The following COXFA4L3 variants were observed in gnomAD, a reference collection of about 807,000 sequenced individuals.
COXFA4L3 encodes the protein cytochrome c oxidase associated subunit FA4L3, also known as MIR147B host.
the COXFA4L3 span, chr15:45,431,412 T>C: frequency 1.4e-5 from 3 of 209,964 alleles, no homozygotes; most frequent in African/African-American, 6.9e-5. Context: ...TTTTTTTTTT[T>C]AAGTTTTGAA....
chr15:45,431,063 TTC>T, the COXFA4L3 span: 1 of 1,614,130 alleles, frequency 6.2e-7, no homozygotes, highest in Non-Finnish European at 8.5e-7. Context: ...TCGCTGTGTA[TTC>T]TCTTTGGAAA....
the COXFA4L3 span, chr15:45,431,205 G>A: frequency 1.4e-6 from 1 of 711,544 alleles, no homozygotes; most frequent in Non-Finnish European, 2.3e-6. Flanking sequence ...TGTGAACTGG[G>A]AGTCAGGGTT....
chr15:45,431,304 A>G, the COXFA4L3 span: 1 of 442,136 alleles, frequency 2.3e-6, no homozygotes, highest in Non-Finnish European at 4.0e-6. Flanking sequence ...AAAAAATTTA[A>G]AAAAACCCAT....
the COXFA4L3 span, chr15:45,431,935 A>G: frequency 8.6e-6 from 6 of 696,404 alleles, no homozygotes; most frequent in Admixed American, 2.8e-5. Context: ...TTTAGTTGCT[A>G]CTGATGGTTC....
chr15:45,432,079 C>G, the COXFA4L3 span: 1 of 1,610,064 alleles, frequency 6.2e-7, no homozygotes, highest in South Asian at 1.1e-5. Flanking sequence ...TAGCCTTGAT[C>G]GAAAAAAAAA....
At chr15:45,431,190 C>T in the COXFA4L3 span, 1 of 894,396 alleles carries the variant, frequency 1.1e-6, no homozygotes, top group Non-Finnish European at 1.7e-6. Context: ...ATGAGAATGC[C>T]AAATTGTGAA....
At chr15:45,433,148 G>A in the COXFA4L3 span, 1 of 959,864 alleles carries the variant, frequency 1.0e-6, no homozygotes, top group African/African-American at 1.6e-5. Flanking sequence ...ACATTTTTTG[G>A]GCTCTGGATA....
the COXFA4L3 span, chr15:45,430,948 A>G: frequency 4.4e-6 from 7 of 1,580,170 alleles, no homozygotes; most frequent in Admixed American, 5.2e-5. Context: ...CTGTGTTTCA[A>G]ATGTTTCATA....
chr15:45,430,665 C>G, the COXFA4L3 span: 2 of 769,486 alleles, frequency 2.6e-6, no homozygotes, highest in Admixed American at 2.9e-5. Context: ...GGTGAGTCTC[C>G]CATCTGCAGA....
chr15:45,431,134 AC>A, the COXFA4L3 span: 1 of 1,507,358 alleles, frequency 6.6e-7, no homozygotes, highest in South Asian at 1.2e-5. Flanking sequence ...TGTTTGGATG[AC>A]TTTTAGTTTA....
the COXFA4L3 span, chr15:45,433,141 T>C: frequency 5.0e-6 from 5 of 1,000,940 alleles, no homozygotes; most frequent in Non-Finnish European, 8.0e-6. Context: ...TTTGTCTACA[T>C]TTTTTGGGCT....
chr15:45,433,300 A>T, the COXFA4L3 span: 1 of 328,514 alleles, frequency 3.0e-6, no homozygotes, highest in Non-Finnish European at 5.8e-6. Context: ...TGTAAATTAG[A>T]TTTTCTTTAA....
the COXFA4L3 span, among the ~76,000 whole-genome samples, chr15:45,432,712 T>G: frequency 1.3e-5 from 2 of 152,158 alleles, no homozygotes; most frequent in Non-Finnish European, 2.9e-5. Flanking sequence ...ATGTGTTTGA[T>G]CTTTCCCTCT....
the COXFA4L3 span, chr15:45,432,258 T>A: frequency 1.4e-6 from 1 of 736,558 alleles, no homozygotes; most frequent in Non-Finnish European, 2.2e-6. Flanking sequence ...ATCGAGTAAT[T>A]AAAATGAGGA....
the COXFA4L3 span, among the ~76,000 whole-genome samples, chr15:45,431,487 T>A: frequency 1.3e-5 from 2 of 152,284 alleles, no homozygotes; most frequent in South Asian, 2.1e-4. Flanking sequence ...ATTAAAATTT[T>A]AAATTTTAGC....
At chr15:45,432,987 T>C in the COXFA4L3 span, 34 of 1,613,692 alleles carry the variant, frequency 2.1e-5, no homozygotes, top group Non-Finnish European at 2.7e-5. Flanking sequence ...CATTGAAGAG[T>C]TGCAAAATGT....
chr15:45,431,539 T>C, the COXFA4L3 span, among the ~76,000 whole-genome samples: 1 of 152,212 alleles, frequency 6.6e-6, no homozygotes, highest in Non-Finnish European at 1.5e-5. Context: ...ATAGATTCAG[T>C]TGTCTACGAT....
the COXFA4L3 span, chr15:45,432,282 T>A: frequency 1.6e-6 from 1 of 644,882 alleles, no homozygotes; most frequent in Non-Finnish European, 2.6e-6. Flanking sequence ...TTTAAGAGCC[T>A]ACTCTATGCC....
chr15:45,431,162 C>A, the COXFA4L3 span: 1 of 1,294,258 alleles, frequency 7.7e-7, no homozygotes, highest in Non-Finnish European at 1.1e-6. Context: ...GTATAAGTTT[C>A]CTATTTTTTT....
Sources: allele counts gnomAD v4.1 joint callset (sites outside exome capture counted in the v4.1 genomes callset), GRCh38; gene constraint gnomAD v4.1.1; transcripts MANE v1.5; gene names NCBI Gene and HGNC (gene_info 2026-07-23, HGNC 2026-07-21).